The following GNG2 variants were observed in gnomAD, a reference collection of about 807,000 sequenced individuals.
The protein encoded by GNG2 is guanine nucleotide-binding protein G(I)/G(S)/G(O) subunit gamma-2.
A neutral mutation model predicts 5.5 loss-of-function variants in GNG2; 5 were observed. The observed-to-expected ratio is 0.91, with a 90% CI of 0.48 to 1.92. The LOEUF is 1.92. GNG2 is among the 30% of genes most tolerant of loss of function. The pLI is 0.01. For missense variants in GNG2, 55 were observed against 88.4 expected (o/e 0.62, Z 1.52); for synonymous variants, 28 against 32.0 (o/e 0.88, Z 0.42).
chr14:51,950,220 T>G (rs1888890629), intron 2 of GNG2, among the ~76,000 whole-genome samples: 1 of 152,192 alleles, frequency 6.6e-6, no homozygotes, highest in Admixed American at 6.5e-5. Flanking sequence ...GTAAAGTAGA[T>G]CGTTGTGACT....
intron 3 of GNG2, among the ~76,000 whole-genome samples, chr14:51,953,540 T>C (rs1192944502): frequency 6.6e-6 from 1 of 152,214 alleles, no homozygotes; most frequent in Non-Finnish European, 1.5e-5. Context: ...GTAGTTGCCT[T>C]CCTAGGTGAT....
At chr14:51,915,828 A>G (rs2140212577) in intron 2 of GNG2, among the ~76,000 whole-genome samples, 1 of 152,346 alleles carries the variant, frequency 6.6e-6, no homozygotes, top group Admixed American at 6.5e-5. Flanking sequence ...CTTAGGAAAC[A>G]GCTGCTGTAC....
intron 2 of GNG2, among the ~76,000 whole-genome samples, chr14:51,840,026 T>G (rs1881441829): frequency 6.6e-6 from 1 of 152,164 alleles, no homozygotes; most frequent in Non-Finnish European, 1.5e-5. Context: ...TGTTATAGTT[T>G]TGTATCAATT....
intron 2 of GNG2, among the ~76,000 whole-genome samples, chr14:51,926,105 G>C (rs774104429): frequency 3.3e-5 from 5 of 151,684 alleles, no homozygotes; most frequent in Non-Finnish European, 7.4e-5. Context: ...AGACGGTAAA[G>C]TGTCCAATTT....
chr14:51,935,247 G>A (rs780456346), intron 2 of GNG2, among the ~76,000 whole-genome samples: 1 of 151,662 alleles, frequency 6.6e-6, no homozygotes, highest in East Asian at 1.9e-4. Flanking sequence ...GGATAGTCTC[G>A]ATCTCCTGAC....
chr14:51,931,553 A>AG (rs757362584), intron 2 of GNG2, among the ~76,000 whole-genome samples: 1 of 152,114 alleles, frequency 6.6e-6, no homozygotes, highest in Non-Finnish European at 1.5e-5. Context: ...GAGATCACTG[A>AG]GGTGGGTGAG....
At chr14:51,905,305 T>A (rs1435056507) in intron 2 of GNG2, among the ~76,000 whole-genome samples, 1 of 152,236 alleles carries the variant, frequency 6.6e-6, no homozygotes, top group Non-Finnish European at 1.5e-5. Context: ...TTGTTTTACG[T>A]TTTTATTGTG....
intron 3 of GNG2, among the ~76,000 whole-genome samples, chr14:51,959,305 C>T (rs553293052): frequency 6.6e-6 from 1 of 152,266 alleles, no homozygotes; most frequent in South Asian, 2.1e-4. Context: ...ATTTCAATTT[C>T]AATCTGTCTA....
intron 2 of GNG2, among the ~76,000 whole-genome samples, chr14:51,852,232 A>C (rs1373728621): frequency 1.1e-4 from 16 of 152,248 alleles, no homozygotes; most frequent in Admixed American, 1.0e-3. Context: ...CAGATACTAT[A>C]GGACTTTGTT....
At chr14:51,906,757 C>CTTTTTTTTTTTTTTTTTTTTT (rs34240079) in intron 2 of GNG2, among the ~76,000 whole-genome samples, 2 of 105,308 alleles carry the variant, frequency 1.9e-5, no homozygotes, top group African/African-American at 3.7e-5. Flanking sequence ...TGGAGAATCT[C>CTTTTTTTTTTTTTTTTTTTTT]TTTTTTTTTT....
At chr14:51,837,175 T>C (rs1203956761) in intron 2 of GNG2, among the ~76,000 whole-genome samples, 1 of 151,994 alleles carries the variant, frequency 6.6e-6, no homozygotes. Flanking sequence ...CAACTTAACG[T>C]TGATGAAATA....
At chr14:51,886,187 G>A (rs1277882483) in intron 2 of GNG2, among the ~76,000 whole-genome samples, 1 of 152,226 alleles carries the variant, frequency 6.6e-6, no homozygotes, top group African/African-American at 2.4e-5. Flanking sequence ...GCATGAAGAA[G>A]CATGACATAT....
At chr14:51,912,555 G>A (rs562896797) in intron 2 of GNG2, among the ~76,000 whole-genome samples, 2 of 152,122 alleles carry the variant, frequency 1.3e-5, no homozygotes, top group South Asian at 4.1e-4. Context: ...CTCCTCTGTG[G>A]GTGGAGTCCT....
intron 2 of GNG2, among the ~76,000 whole-genome samples, chr14:51,936,040 C>T (rs1887982533): frequency 6.6e-6 from 1 of 152,114 alleles, no homozygotes; most frequent in Non-Finnish European, 1.5e-5. Context: ...TCATCAAGCC[C>T]CATCCTGGAG....
intron 2 of GNG2, among the ~76,000 whole-genome samples, chr14:51,942,589 C>CTTTCTTTTTTTTTT (rs761049973): frequency 8.6e-5 from 7 of 81,124 alleles, no homozygotes; most frequent in African/African-American, 3.6e-4. Context: ...TTCTTTCTTT[C>CTTTCTTTTTTTTTT]TTTTTTTTTT....
chr14:51,957,615 C>G (rs1889347384), intron 3 of GNG2, among the ~76,000 whole-genome samples: 1 of 152,198 alleles, frequency 6.6e-6, no homozygotes, highest in Non-Finnish European at 1.5e-5. Flanking sequence ...ATACAATCAT[C>G]AGAATCAGGA....
rs140887327 is a variant in GNG2, at chr14:51,909,580, C to A, written c.-30+31923C>A. On this transcript the variant is annotated intron_variant, in intron 2 of 3. Transcript: ENST00000556766. ...GAAAATAAAGGGCCTGCTGTAAGAT[C>A]ATAGCAACCATCAGGGATTGCATAA... Among the ~76,000 whole-genome samples, 209 of 152,274 alleles carry A rather than the reference C, an allele frequency of 1.4e-3. 2 individuals carry two copies. Among genetic ancestry groups the A allele is most frequent in the African/African-American group, 5.0e-3 (207 of 41,542 alleles).
At chr14:51,869,187 T>C (rs1166726482) in intron 1 of GNG2, among the ~76,000 whole-genome samples, 1 of 152,230 alleles carries the variant, frequency 6.6e-6, no homozygotes, top group Non-Finnish European at 1.5e-5. Context: ...CTGGATACTT[T>C]AGCTAGTTTT....
At chr14:51,916,980 T>C (rs1886683840) in intron 2 of GNG2, among the ~76,000 whole-genome samples, 2 of 152,142 alleles carry the variant, frequency 1.3e-5, no homozygotes, top group South Asian at 4.1e-4. Context: ...ACCTCACCCA[T>C]TGATGGAGAT....
Sources: allele counts gnomAD v4.1 joint callset (sites outside exome capture counted in the v4.1 genomes callset), GRCh38; gene constraint gnomAD v4.1.1; transcripts MANE v1.5; gene names NCBI Gene and HGNC (gene_info 2026-07-23, HGNC 2026-07-21).